Variants in PDE4D observed in about 807,000 individuals in gnomAD.
PDE4D encodes phosphodiesterase 4D, also known as 3',5'-cyclic-AMP phosphodiesterase 4D.
In PDE4D, 24 loss-of-function variants were observed where a neutral mutation model predicts 87.4. The observed-to-expected ratio is 0.27, with a 90% CI of 0.20 to 0.39. PDE4D has a LOEUF of 0.39. Among genes scored for constraint, PDE4D ranks in the 10% least tolerant of loss-of-function variants. The pLI is 1.00. For synonymous variants in PDE4D, 384 were observed against 383.2 expected (o/e 1.00, Z -0.02); for missense variants, 714 against 1,041.0 (o/e 0.69, Z 4.32).
rs145113280 is a variant in PDE4D, at chr5:59,258,188, T to A, written c.456-42220A>T. Among the ~76,000 whole-genome samples, 24 of 152,126 alleles carry A rather than the reference T, an allele frequency of 1.6e-4. No homozygotes were observed. The East Asian group carries it at 4.4e-3, about 28-fold the overall frequency. ...CCCTTCTCCCCAATGTTTGTTTGAC[T>A]GGTTCTTTCAGTTCTCAACTTCCCT... is the stretch of plus-strand genomic sequence containing the variant. On this transcript the variant is annotated intron_variant, in intron 1 of 14. Transcript: ENST00000340635.
intron 1 of PDE4D, among the ~76,000 whole-genome samples, chr5:59,500,594 G>A (rs1808128821): frequency 6.6e-6 from 1 of 152,084 alleles, no homozygotes; most frequent in Non-Finnish European, 1.5e-5. Context: ...CTGAACAACT[G>A]AGGATTCCAA....
At chr5:59,083,269 T>A (rs1767090296) in intron 5 of PDE4D, among the ~76,000 whole-genome samples, 1 of 152,092 alleles carries the variant, frequency 6.6e-6, no homozygotes, top group South Asian at 2.1e-4. Context: ...GAAGGATTAA[T>A]TTCTTATACT....
chr5:60,138,084 C>T (rs1465853631), intron 2 of PDE4D, among the ~76,000 whole-genome samples: 2 of 152,050 alleles, frequency 1.3e-5, no homozygotes, highest in African/African-American at 2.4e-5. Context: ...TGTCAAAGAA[C>T]AGATGGTTGT....
chr5:59,322,276 G>A (rs532591301), intron 1 of PDE4D, among the ~76,000 whole-genome samples: 1 of 152,050 alleles, frequency 6.6e-6, no homozygotes, highest in Non-Finnish European at 1.5e-5. Context: ...CATTCACTCA[G>A]TATTGCTGGT....
At chr5:59,988,474 C>T in intron 3 of PDE4D, 1 of 1,528,240 alleles carries the variant, frequency 6.5e-7, no homozygotes, top group Non-Finnish European at 8.9e-7. Context: ...GAAATGACAT[C>T]TGAGGGCACT....
At chr5:59,522,841 T>C (rs1812478559) in intron 1 of PDE4D, among the ~76,000 whole-genome samples, 1 of 152,168 alleles carries the variant, frequency 6.6e-6, no homozygotes, top group Non-Finnish European at 1.5e-5. Flanking sequence ...TTAAAAGGGA[T>C]AGAAAAATTC....
chr5:60,462,610 A>G (rs1747040063), intron 1 of PDE4D, among the ~76,000 whole-genome samples: 1 of 152,156 alleles, frequency 6.6e-6, no homozygotes. Context: ...GACACTGGGG[A>G]GCATGAAAGG....
chr5:59,261,751 G>A (rs1171847049), intron 1 of PDE4D, among the ~76,000 whole-genome samples: 1 of 151,626 alleles, frequency 6.6e-6, no homozygotes, highest in Non-Finnish European at 1.5e-5. Context: ...AAAGAAATCT[G>A]TTGGTTTTAA....
At chr5:59,481,190 C>CA (rs1475707584) in intron 1 of PDE4D, among the ~76,000 whole-genome samples, 1 of 152,076 alleles carries the variant, frequency 6.6e-6, no homozygotes, top group East Asian at 1.9e-4. Flanking sequence ...CAAAGGGAGA[C>CA]AAAAAATCCT....
At chr5:60,023,867 G>GT (rs1237682325) in intron 2 of PDE4D, among the ~76,000 whole-genome samples, 1 of 152,152 alleles carries the variant, frequency 6.6e-6, no homozygotes, top group Non-Finnish European at 1.5e-5. Flanking sequence ...TCAAATCAAA[G>GT]TGAACGTATG....
chr5:59,463,149 G>A (rs749772777), intron 1 of PDE4D, among the ~76,000 whole-genome samples: 5 of 152,122 alleles, frequency 3.3e-5, no homozygotes, highest in Non-Finnish European at 5.9e-5. Flanking sequence ...AAATATATGT[G>A]TTACATAAAT....
intron 1 of PDE4D, among the ~76,000 whole-genome samples, chr5:59,685,308 G>A (rs1276704681): frequency 6.6e-6 from 1 of 152,124 alleles, no homozygotes; most frequent in Non-Finnish European, 1.5e-5. Context: ...AATCCTTTGT[G>A]ATTTAAGATC....
intron 5 of PDE4D, among the ~76,000 whole-genome samples, chr5:59,130,408 A>G (rs981222080): frequency 3.3e-5 from 5 of 152,238 alleles, no homozygotes; most frequent in African/African-American, 1.2e-4. Flanking sequence ...GCATCTCGTA[A>G]AGCACATTTT....
intron 1 of PDE4D, among the ~76,000 whole-genome samples, chr5:59,878,156 C>G (rs1001183833): frequency 6.6e-6 from 1 of 152,156 alleles, no homozygotes; most frequent in African/African-American, 2.4e-5. Context: ...TAGTTTTCAT[C>G]TTTTTCAGAT....
Position 58,969,502 on chromosome 5 carries a change from C to A in PDE4D, c.*5162G>T, listed in dbSNP as rs1196915700. On this transcript the variant is annotated 3_prime_UTR_variant, in exon 15 of 15. Coordinates refer to ENST00000340635, the MANE Select transcript of PDE4D (RefSeq NM_001104631.2). ...CAACTTTTTCCCTAGTTACCTCTTACAATCCTTCAGAACTCAGATGCAAAT... is the reference window on the plus strand; with the variant it reads ...CAACTTTTTCCCTAGTTACCTCTTAAAATCCTTCAGAACTCAGATGCAAAT... The A allele has an allele frequency of 2.0e-5, 3 of 152,218 alleles. No individual in the cohort carries two copies. The highest frequency in any genetic ancestry group is 4.2e-4 in the South Asian group (2 of 4,818). 9.4% of individuals were successfully genotyped at this position (152,218 alleles called of 1,614,324 possible).
At chr5:60,088,280 ATG>A (rs769448892) in intron 2 of PDE4D, among the ~76,000 whole-genome samples, 91 of 152,140 alleles carry the variant, frequency 6.0e-4, no homozygotes, top group Admixed American at 1.5e-3. Flanking sequence ...TGAAAAAAAA[ATG>A]GATGCTAATG....
intron 1 of PDE4D, among the ~76,000 whole-genome samples, chr5:59,560,263 A>G (rs2153691299): frequency 6.6e-6 from 1 of 152,340 alleles, no homozygotes. Flanking sequence ...AACTGTAGGT[A>G]AAGTTTATTT....
At chr5:59,656,230 C>T (rs904505383) in intron 1 of PDE4D, among the ~76,000 whole-genome samples, 1 of 152,112 alleles carries the variant, frequency 6.6e-6, no homozygotes. Flanking sequence ...ACACATCACA[C>T]ACAGACTTCA....
intron 2 of PDE4D, among the ~76,000 whole-genome samples, chr5:60,141,386 T>G (rs1025262462): frequency 1.3e-5 from 2 of 152,142 alleles, no homozygotes; most frequent in Non-Finnish European, 2.9e-5. Flanking sequence ...TGAGTATCTC[T>G]TGGAAAGAAG....
Sources: gnomAD v4.1 joint callset for allele counts (sites outside exome capture counted in the v4.1 genomes callset) on GRCh38, gnomAD v4.1.1 for gene constraint, MANE v1.5 for transcripts, NCBI Gene and HGNC (gene_info 2026-07-23, HGNC 2026-07-21) for gene names.